PHF8: variants seen among roughly 807,000 people sequenced by gnomAD.
PHF8 encodes PHD finger protein 8, also known as histone lysine demethylase PHF8.
In PHF8, 9 loss-of-function variants were observed where a neutral mutation model predicts 74.4. That is an observed-to-expected ratio of 0.12 (90% confidence interval 0.07 to 0.21). PHF8 has a LOEUF of 0.21. Among genes scored for constraint, PHF8 ranks in the 10% least tolerant of loss-of-function variants. PHF8 has a pLI of 1.00. For missense variants in PHF8, 478 were observed against 816.6 expected, an observed-to-expected ratio of 0.59 and a Z score of 5.05; for synonymous variants, 311 against 316.6, an observed-to-expected ratio of 0.98 and a Z score of 0.19.
At chrX:53,973,083 A>C (rs1405090374) in intron 18 of PHF8, among the ~76,000 whole-genome samples, 2 of 111,832 alleles carry the variant, frequency 1.8e-5, no homozygotes, top group East Asian at 2.8e-4. Flanking sequence ...ATGAATACAC[A>C]TAACAAGGGA....
rs2065952773 is a variant in PHF8, at chrX:54,009,844, G to GGAAAAAAAAAAAAAAAAAAA, written c.946+1277_946+1278insTTTTTTTTTTTTTTTTTTTC. Among the ~76,000 whole-genome samples, 13 of 9,390 alleles carry GGAAAAAAAAAAAAAAAAAAA rather than the reference G, an allele frequency of 1.4e-3. 4 individuals are homozygous for GGAAAAAAAAAAAAAAAAAAA. The highest frequency in any genetic ancestry group is 2.8e-3 in the Admixed American group (1 of 358). 8.2% of individuals were successfully genotyped at this position (9,390 alleles called of 115,157 possible). On this transcript the variant is annotated intron_variant, in intron 8 of 21. Coordinates refer to ENST00000338154, the MANE Select transcript of PHF8 (RefSeq NM_015107.3). The stretch of plus-strand genomic sequence containing the variant: ...GGTGACAGAGTGAGACTCTGTCTCA[G>GGAAAAAAAAAAAAAAAAAAA]AAAAAAAAAAAAAAAAAAAAAAAAA...
rs2066611058 is a variant in PHF8 at position 54,044,237 on chromosome X, G to T, written c.-568C>A. 1.3e-6 allele frequency: 1 copy of T among 755,121 alleles called. No individual in the cohort carries two copies. Among genetic ancestry groups the T allele is most frequent in the Non-Finnish European group, 1.6e-6 (1 of 639,370 alleles). The allele number at this position is 755,121 out of a possible 1,213,427, so 62.2% of individuals were successfully genotyped here. On this transcript the variant is annotated 5_prime_UTR_variant, in exon 1 of 22. Coordinates refer to ENST00000338154, the MANE Select transcript of PHF8 (RefSeq NM_015107.3). ...AGGAGATACTCGCGAGCAAACCAAC[G>T]GGGAAAGAGATGAACCGGCCGCCAC...
rs2065574565 is a variant in PHF8, at chrX:53,986,858, C to T, written c.1995+220G>A. Among the ~76,000 whole-genome samples, 3 of 111,474 alleles carry T rather than the reference C, an allele frequency of 2.7e-5. No homozygotes were observed. The Admixed American group carries it at 2.9e-4, about 11-fold the overall frequency. On this transcript the variant is annotated intron_variant, in intron 16 of 21. Transcript: ENST00000338154. ...AGAAGGCTGAGCTGGCCCCGGAGGT[C>T]AAGACTGCTGTGAACCATGATCATG...
At chrX:53,973,161 T>C (rs868957779) in intron 18 of PHF8, among the ~76,000 whole-genome samples, 15 of 111,835 alleles carry the variant, frequency 1.3e-4, no homozygotes, top group South Asian at 3.7e-4. Context: ...CACCAACAAG[T>C]GGAAAAATAT....
intron 18 of PHF8, among the ~76,000 whole-genome samples, chrX:53,973,707 G>T (rs782133297): frequency 6.3e-5 from 7 of 111,350 alleles, no homozygotes; most frequent in African/African-American, 2.3e-4. Context: ...GAAAATCTAG[G>T]CAATACCATT....
intron 18 of PHF8, among the ~76,000 whole-genome samples, chrX:53,965,975 A>G (rs1270807177): frequency 9.0e-6 from 1 of 111,369 alleles, no homozygotes; most frequent in East Asian, 2.8e-4. Flanking sequence ...TACCATACAA[A>G]GACTAAATCA....
At position 54,042,126 on chromosome X, in the gene PHF8, AAC is replaced by A. The variant is rs782480896; in HGVS notation, c.98+503_98+504del. 2.6e-4 allele frequency among the ~76,000 whole-genome samples: 29 copies of A among 110,064 alleles called. No individual in the cohort carries two copies. The South Asian group carries it at 0.011, about 40-fold the overall frequency. ...CAGACCAGCCTGATCAACATGGAAA[AAC>A]ACCGTCTCTACTAAAAATACAAAAT... is the stretch of plus-strand genomic sequence containing the variant. On this transcript the variant is annotated intron_variant, in intron 2 of 21. Coordinates refer to ENST00000338154, the MANE Select transcript of PHF8 (RefSeq NM_015107.3).
At position 53,940,490 on chromosome X, in the gene PHF8, T is replaced by G; in HGVS notation, c.2676A>C (p.Lys892Asn). Residue 892 changes from lysine to asparagine, a missense_variant, in exon 21 of 22, where the codon AAA becomes AAC. Physicochemically the swap from Lys to Asn is moderately conservative, Grantham distance 94 (BLOSUM62 0). Around this residue, in one of 9 missense-constraint regions of PHF8, gnomAD observed 75 missense variants for 93.3 expected, o/e 0.80. Transcript: ENST00000338154. ...TCAGCAAAGGCTTCTTCTTGATATATTTCTTCTTTTGGGCCTTCTGTAGCT... is the reference window on the plus strand; with the variant it reads ...TCAGCAAAGGCTTCTTCTTGATATAGTTCTTCTTTTGGGCCTTCTGTAGCT... ...QQELQKAQKK[K>N]YIKKKPLLKE... 1 of 1,205,571 alleles carries G rather than the reference T, an allele frequency of 8.3e-7. No individual in the cohort carries two copies. The highest frequency in any genetic ancestry group is 1.1e-6 in the Non-Finnish European group (1 of 891,051).
upstream of PHF8, chrX:54,045,232 A>G (rs2066623998): frequency 4.8e-6 from 1 of 206,975 alleles, no homozygotes. Flanking sequence ...AGGGGAGAGG[A>G]GGGGGGATGA....
chrX:53,997,158 C>T (rs1405710219), intron 11 of PHF8, among the ~76,000 whole-genome samples: 1 of 111,719 alleles, frequency 9.0e-6, no homozygotes, highest in African/African-American at 3.3e-5. Context: ...GACAAACCAG[C>T]CTCTCCACTT....
chrX:54,007,368 C>T lies in PHF8; in HGVS notation c.946+3754G>A, dbSNP rs781873443. Among the ~76,000 whole-genome samples the T allele has an allele frequency of 7.2e-5, 8 of 111,474 alleles. No individual in the cohort carries two copies. In the South Asian group the frequency reaches 2.6e-3, roughly 36 times the overall value. On this transcript the variant is annotated intron_variant, in intron 8 of 21. Transcript: ENST00000338154. ...TTGAATTAAGCAAGCCTCTTAGACA[C>T]CAAAAGCATAAGCAAATAAAGAAAA... is the stretch of plus-strand genomic sequence containing the variant.
At chrX:54,037,766 C>A (rs112490476) in intron 2 of PHF8, among the ~76,000 whole-genome samples, 14,152 of 111,932 alleles carry the variant, frequency 0.13, 902 homozygotes, top group African/African-American at 0.24. Context: ...AAAACTCCCC[C>A]AAAAGATAAA....
chrX:54,002,798 C>T, intron 8 of PHF8, 116 bp from the exon 9 acceptor site: 1 of 530,883 alleles, frequency 1.9e-6, no homozygotes, highest in Non-Finnish European at 3.4e-6. Flanking sequence ...TCCAAACTGG[C>T]TTCCCAACAC....
In PHF8 at chrX:53,940,529, C is replaced by T. The variant is rs2064735290; in HGVS notation, c.2650-13G>A. On this transcript the variant is annotated splice_polypyrimidine_tract_variant and intron_variant, in intron 20 of 21. Coordinates refer to ENST00000338154, the MANE Select transcript of PHF8 (RefSeq NM_015107.3). ...CCTTCTGTAGCTCCTGAAACACAAG[C>T]CAAGTAGGAGGAGAGATTAAGGAGT... The T allele has an allele frequency of 9.0e-7, 1 of 1,112,974 alleles. No homozygotes were observed. Among genetic ancestry groups the T allele is most frequent in the African/African-American group, 1.8e-5 (1 of 55,943 alleles). The allele number at this position is 1,112,974 out of a possible 1,213,427, so 91.7% of individuals were successfully genotyped here. A position where few individuals can be genotyped will look rare whatever the true frequency, so the allele number is the denominator to read the frequency against.
At chrX:53,975,692 G>C (rs781886155) in intron 18 of PHF8, among the ~76,000 whole-genome samples, 1 of 111,816 alleles carries the variant, frequency 8.9e-6, no homozygotes, top group Non-Finnish European at 1.9e-5. Context: ...CAGAGGTGGA[G>C]AGTAGAATGG....
At chrX:54,032,672 A>G (rs1269497923) in intron 2 of PHF8, among the ~76,000 whole-genome samples, 2 of 110,958 alleles carry the variant, frequency 1.8e-5, no homozygotes, top group African/African-American at 3.3e-5. Flanking sequence ...TTAAGCTGTT[A>G]GTTTACTGTC....
intron 8 of PHF8, 109 bp from the exon 9 acceptor site, chrX:54,002,791 A>G: frequency 1.8e-6 from 1 of 551,397 alleles, no homozygotes; most frequent in East Asian, 3.6e-5. Context: ...GTTAGCCTCC[A>G]AACTGGCTTC....
chrX:53,952,867 G>A (rs1204166387), intron 19 of PHF8, among the ~76,000 whole-genome samples: 1 of 91,950 alleles, frequency 1.1e-5, no homozygotes, highest in African/African-American at 4.3e-5. Context: ...CAATCTGGGC[G>A]ACACAGCGAG....
intron 19 of PHF8, among the ~76,000 whole-genome samples, chrX:53,958,507 C>T (rs1452647539): frequency 1.9e-5 from 2 of 105,927 alleles, no homozygotes; most frequent in Non-Finnish European, 3.9e-5. Flanking sequence ...GATGGCCGGG[C>T]GTAGTGGCTC....
Sources: allele counts gnomAD v4.1 joint callset (sites outside exome capture counted in the v4.1 genomes callset), GRCh38; gene constraint gnomAD v4.1.1; regional missense constraint gnomAD v4.1.1; transcripts MANE v1.5; gene names NCBI Gene and HGNC (gene_info 2026-07-23, HGNC 2026-07-21).